CDH4: variants seen among roughly 807,000 people sequenced by gnomAD.
CDH4 encodes cadherin-4.
CDH4 carries 33 observed loss-of-function variants against 86.0 expected under a neutral mutation model. The ratio of observed to expected loss-of-function variants is 0.38; its 90% CI spans 0.29 to 0.51. The LOEUF is 0.51. Ranked by LOEUF, CDH4 falls within the 20% of genes least tolerant of loss-of-function variation. CDH4 has a pLI of 0.86. For missense variants in CDH4, 1,114 were observed against 1,307.4 expected (o/e 0.85, Z 2.28); for synonymous variants, 555 against 549.4 (o/e 1.01, Z -0.14).
At chr20:61,271,871 G>A (rs1049781123) in intron 2 of CDH4, among the ~76,000 whole-genome samples, 1 of 152,136 alleles carries the variant, frequency 6.6e-6, no homozygotes, top group Non-Finnish European at 1.5e-5. Context: ...TCGGGGATAG[G>A]CTGGGACTCC....
chr20:61,515,033 G>A (rs868034021), intron 2 of CDH4, among the ~76,000 whole-genome samples: 4 of 152,226 alleles, frequency 2.6e-5, no homozygotes, highest in Non-Finnish European at 4.4e-5. Context: ...AGCTCTTCTC[G>A]GTTTCCTGCC....
chr20:61,753,930 C>T (rs567454288), intron 3 of CDH4, among the ~76,000 whole-genome samples: 27 of 151,982 alleles, frequency 1.8e-4, no homozygotes, highest in Non-Finnish European at 3.5e-4. Flanking sequence ...GGGGGTTTGC[C>T]GATGTAATTA....
At chr20:61,626,961 T>C (rs1318245815) in intron 2 of CDH4, among the ~76,000 whole-genome samples, 3 of 152,078 alleles carry the variant, frequency 2.0e-5, no homozygotes, top group Non-Finnish European at 4.4e-5. Context: ...CCGAATCCTG[T>C]AGGAGGGCGG....
intron 2 of CDH4, among the ~76,000 whole-genome samples, chr20:61,348,641 T>A (rs942953728): frequency 6.6e-6 from 1 of 152,232 alleles, no homozygotes; most frequent in Non-Finnish European, 1.5e-5. Flanking sequence ...TATCATGATA[T>A]CTTCTTTCAA....
In CDH4 at chr20:61,311,619, T is replaced by G. The variant is rs1165770520; in HGVS notation, c.169+56682T>G. ...CTTTGGTGTTACCAATTAAGCAAAG[T>G]TTGTGTTTGTGTTAATTTTCTTTTA... On this transcript the variant is annotated intron_variant, in intron 2 of 15. Coordinates refer to ENST00000614565, the MANE Select transcript of CDH4 (RefSeq NM_001794.5). Among the ~76,000 whole-genome samples, 4 of 152,332 alleles carry G rather than the reference T, an allele frequency of 2.6e-5. No homozygotes were observed. The East Asian group carries it at 7.7e-4, about 29-fold the overall frequency.
intron 2 of CDH4, among the ~76,000 whole-genome samples, chr20:61,485,464 G>A (rs895657467): frequency 3.9e-5 from 6 of 152,200 alleles, no homozygotes; most frequent in African/African-American, 1.4e-4. Context: ...TGCCAGGGTG[G>A]TGTTGGGTCC....
intron 2 of CDH4, among the ~76,000 whole-genome samples, chr20:61,382,502 G>A (rs1490482912): frequency 1.3e-5 from 2 of 152,256 alleles, no homozygotes; most frequent in South Asian, 4.1e-4. Context: ...AAAAGGCAGA[G>A]TAAGTGACAC....
At chr20:61,404,591 C>T (rs1274061292) in intron 2 of CDH4, among the ~76,000 whole-genome samples, 1 of 152,100 alleles carries the variant, frequency 6.6e-6, no homozygotes, top group Non-Finnish European at 1.5e-5. Context: ...ACAACGTGGG[C>T]AGGGGATTTG....
rs1368277401 is a variant in CDH4, at chr20:61,709,144, C to A, written c.170-34419C>A. Among the ~76,000 whole-genome samples the A allele has an allele frequency of 6.6e-6, 1 of 152,168 alleles. No individual in the cohort carries two copies. The highest frequency in any genetic ancestry group is 1.5e-5 in the Non-Finnish European group (1 of 68,028). ...GCGTAGCGGCCGCCCAAATGATGAG[C>A]CCACAACGCACCTGCCCCTCTCTCC... On this transcript the variant is annotated intron_variant, in intron 2 of 15. Coordinates refer to ENST00000614565, the MANE Select transcript of CDH4 (RefSeq NM_001794.5). This position sits in a 1 kb window ranked among gnomAD's most constrained non-coding sequence, Gnocchi z 4.8.
intron 2 of CDH4, among the ~76,000 whole-genome samples, chr20:61,564,497 G>A (rs539031784): frequency 6.6e-6 from 1 of 152,136 alleles, no homozygotes; most frequent in South Asian, 2.1e-4. Context: ...TTAAAAGACT[G>A]TGGCACCTCC....
intron 2 of CDH4, among the ~76,000 whole-genome samples, chr20:61,673,793 C>T (rs528112486): frequency 7.9e-5 from 12 of 152,078 alleles, no homozygotes; most frequent in Non-Finnish European, 1.6e-4. Context: ...AAATAACACG[C>T]GCAAATTACC....
At chr20:61,558,545 C>T (rs577468542) in intron 2 of CDH4, among the ~76,000 whole-genome samples, 1 of 152,342 alleles carries the variant, frequency 6.6e-6, no homozygotes, top group South Asian at 2.1e-4. Flanking sequence ...TGGACCTGCC[C>T]CCATCTCACC....
rs2087796768 is a variant in CDH4 at position 61,703,420 on chromosome 20, T to C, written c.170-40143T>C. Among the ~76,000 whole-genome samples, 2 of 152,166 alleles carry C rather than the reference T, an allele frequency of 1.3e-5. No homozygotes were observed. On this transcript the variant is annotated intron_variant, in intron 2 of 15. Coordinates refer to ENST00000614565, the MANE Select transcript of CDH4 (RefSeq NM_001794.5). This position sits in a 1 kb window ranked among gnomAD's most constrained non-coding sequence, Gnocchi z 4.3. ...AGACACTGGCAGCAGGGGCATTTCA[T>C]AAGGAGGGGACAGTGTGGCTGGGAT...
chr20:61,771,483 A>T (rs1364087106), intron 3 of CDH4, among the ~76,000 whole-genome samples: 1 of 151,836 alleles, frequency 6.6e-6, no homozygotes, highest in African/African-American at 2.4e-5. Flanking sequence ...AATTAGCCAG[A>T]TGTGGTGGCG....
intron 3 of CDH4, among the ~76,000 whole-genome samples, chr20:61,761,386 C>T (rs780845573): frequency 1.3e-5 from 2 of 152,184 alleles, no homozygotes; most frequent in African/African-American, 4.8e-5. Flanking sequence ...GAGCAATGTA[C>T]GTTCATAATG....
chr20:61,502,145 G>A (rs1304369778), intron 2 of CDH4, among the ~76,000 whole-genome samples: 1 of 152,188 alleles, frequency 6.6e-6, no homozygotes, highest in African/African-American at 2.4e-5. Context: ...AGTTGACGTG[G>A]ACGATCTAAC....
intron 2 of CDH4, among the ~76,000 whole-genome samples, chr20:61,419,432 C>T (rs2085165186): frequency 6.6e-6 from 1 of 152,172 alleles, no homozygotes; most frequent in Admixed American, 6.5e-5. Flanking sequence ...GATGTAAAAA[C>T]TCCCTTCCTT....
At chr20:61,779,826 C>T (rs1030451081) in intron 4 of CDH4, among the ~76,000 whole-genome samples, 1 of 152,206 alleles carries the variant, frequency 6.6e-6, no homozygotes, top group Non-Finnish European at 1.5e-5. Context: ...CTCTCTGGCC[C>T]GTGGCAGGGG....
chr20:61,565,146 T>TGGGGTGGTGG (rs1555809036), intron 2 of CDH4, among the ~76,000 whole-genome samples: 4 of 93,320 alleles, frequency 4.3e-5, no homozygotes, highest in East Asian at 2.7e-4. Context: ...CCTCTTGGTG[T>TGGGGTGGTGG]TGGTAGTGGT....
Sources: gnomAD v4.1 joint callset for allele counts (sites outside exome capture counted in the v4.1 genomes callset) on GRCh38, gnomAD v4.1.1 for gene constraint, Gnocchi (gnomAD v3.1) non-coding constraint, MANE v1.5 for transcripts, NCBI Gene and HGNC (gene_info 2026-07-23, HGNC 2026-07-21) for gene names.